The following TMEM156 variants were observed in gnomAD, a reference collection of about 807,000 sequenced individuals.
The protein encoded by TMEM156 is transmembrane protein 156.
In TMEM156, 28 loss-of-function variants were observed where a neutral mutation model predicts 30.5. That is an observed-to-expected ratio of 0.92 (90% CI 0.68 to 1.26). The LOEUF is 1.26. TMEM156 is among the 50% of genes most tolerant of loss of function. TMEM156 has a pLI of 0.00. For missense variants in TMEM156, 351 were observed against 340.6 expected (o/e 1.03, Z -0.24); for synonymous variants, 137 against 119.9 (o/e 1.14, Z -0.93).
intron 3 of TMEM156, among the ~76,000 whole-genome samples, chr4:38,992,760 A>T (rs192339136): frequency 0.13 from 8,641 of 66,158 alleles, 351 homozygotes; most frequent in Non-Finnish European, 0.14. Context: ...ATATATATAT[A>T]TATTTTTTTT....
intron 5 of TMEM156, among the ~76,000 whole-genome samples, chr4:38,982,421 G>A (rs1400439612): frequency 6.6e-6 from 1 of 152,158 alleles, no homozygotes; most frequent in Non-Finnish European, 1.5e-5. Context: ...ATGATTCTTT[G>A]ATATCCATAG....
rs931486464 is a variant in TMEM156, at chr4:39,003,712, T to C, written c.89-4803A>G. Among the ~76,000 whole-genome samples the C allele has an allele frequency of 3.3e-5, 5 of 152,284 alleles. 1 individual carries two copies. In the East Asian group the frequency reaches 9.6e-4, roughly 29 times the overall value. On this transcript the variant is annotated intron_variant, in intron 1 of 6. Coordinates refer to ENST00000381938, the MANE Select transcript of TMEM156 (RefSeq NM_024943.3). ...AAGGATATGGAGATGCACCATCTGA[T>C]GGAACTCCATAATCTGTATCTTTTT...
chr4:39,017,027 C>T (rs1342224974), intron 1 of TMEM156, among the ~76,000 whole-genome samples: 1 of 152,080 alleles, frequency 6.6e-6, no homozygotes, highest in East Asian at 1.9e-4. Context: ...TATTTATTCA[C>T]TATCACAAGA....
chr4:39,013,097 G>A (rs1252236354), intron 1 of TMEM156, among the ~76,000 whole-genome samples: 1 of 151,772 alleles, frequency 6.6e-6, no homozygotes, highest in Non-Finnish European at 1.5e-5. Context: ...TCAGGAGTTC[G>A]CGGCCAGTCT....
Position 38,978,376 on chromosome 4 carries a change from T to C in TMEM156, c.824-7239A>G, listed in dbSNP as rs530062606. 5.9e-4 allele frequency among the ~76,000 whole-genome samples: 90 copies of C among 152,316 alleles called. 2 individuals carry two copies. The South Asian group carries it at 0.018, about 30-fold the overall frequency. ...ACTTACCCAACTTTGTTGTAATTAC[T>C]CATTTGTCTGCCTCCTTGAGCACAA... On this transcript the variant is annotated intron_variant, in intron 5 of 6. Transcript: ENST00000381938.
At position 38,994,003 on chromosome 4, in the gene TMEM156, A is replaced by T. The variant is rs1274186856; in HGVS notation, c.359-5T>A. ...TTGATCCTCTCCTGATAAGAACTAG[A>T]AAGTGATTAAGAAAATGTTATTTGC... On this transcript the variant is annotated splice_region_variant and splice_polypyrimidine_tract_variant and intron_variant, in intron 2 of 6. Coordinates refer to ENST00000381938, the MANE Select transcript of TMEM156 (RefSeq NM_024943.3). The T allele has an allele frequency of 1.2e-6, 2 of 1,605,404 alleles. No homozygotes were observed. The highest frequency in any genetic ancestry group is 2.2e-5 in the South Asian group (2 of 90,438).
At chr4:39,027,843 G>A (rs535272860) in intron 1 of TMEM156, among the ~76,000 whole-genome samples, 3 of 145,188 alleles carry the variant, frequency 2.1e-5, no homozygotes, top group South Asian at 2.2e-4. Context: ...TGCAACCTCC[G>A]CCTCCTGGAT....
Position 39,032,262 on chromosome 4 carries a change from T to C in TMEM156, c.52A>G (p.Ile18Val). The stretch of plus-strand genomic sequence containing the variant: ...TTGAAATATTCCGGCAAAATTAAAA[T>C]GAATGTGATCACTATTGCCACAAAT... ...KLFVAIVITFILILPEYFKTP... is the reference protein window; with the variant it reads ...KLFVAIVITFVLILPEYFKTP... Residue 18 changes from isoleucine to valine, a missense_variant, in exon 1 of 7, where the codon ATT becomes GTT. Coordinates refer to ENST00000381938, the MANE Select transcript of TMEM156 (RefSeq NM_024943.3). 1 of 1,610,436 alleles carries C rather than the reference T, an allele frequency of 6.2e-7. No homozygotes were observed.
At chr4:39,026,102 T>C (rs1012717075) in intron 1 of TMEM156, among the ~76,000 whole-genome samples, 10 of 152,190 alleles carry the variant, frequency 6.6e-5, no homozygotes, top group African/African-American at 2.4e-4. Flanking sequence ...ACATTCTATT[T>C]GGAGAAATCA....
chr4:39,009,115 A>G (rs1054006150), intron 1 of TMEM156, among the ~76,000 whole-genome samples: 1 of 152,068 alleles, frequency 6.6e-6, no homozygotes, highest in Non-Finnish European at 1.5e-5. Flanking sequence ...CTCAGAGACT[A>G]CTATCTCTGC....
At chr4:38,980,699 G>T (rs190481973) in intron 5 of TMEM156, among the ~76,000 whole-genome samples, 4 of 152,286 alleles carry the variant, frequency 2.6e-5, no homozygotes, top group African/African-American at 9.6e-5. Context: ...CCTAGTCCAG[G>T]AGGTCTGAAA....
intron 3 of TMEM156, among the ~76,000 whole-genome samples, chr4:38,993,178 C>T (rs1057151737): frequency 1.3e-5 from 2 of 151,974 alleles, no homozygotes; most frequent in African/African-American, 4.8e-5. Flanking sequence ...ACCTGTAATA[C>T]CAGCACTTTG....
At chr4:38,998,210 G>A (rs944146138) in intron 2 of TMEM156, among the ~76,000 whole-genome samples, 3 of 152,058 alleles carry the variant, frequency 2.0e-5, no homozygotes, top group East Asian at 3.9e-4. Context: ...CACTCATCAA[G>A]AGCCACATCA....
At chr4:38,991,763 T>TAAAAA (rs1712483101) in intron 3 of TMEM156, among the ~76,000 whole-genome samples, 1 of 152,206 alleles carries the variant, frequency 6.6e-6, no homozygotes, top group South Asian at 2.1e-4. Context: ...GTTAGGTGGA[T>TAAAAA]ATACAAATGT....
chr4:38,988,836 AG>A lies in TMEM156; in HGVS notation c.739+14del, dbSNP rs746896971. 37 of 1,613,804 alleles carry A rather than the reference AG, an allele frequency of 2.3e-5. No individual in the cohort carries two copies. Among genetic ancestry groups the A allele is most frequent in the Non-Finnish European group, 3.0e-5 (35 of 1,179,902 alleles). ...GAGATCAGGAGTTCCTCGGCACTAC[AG>A]GGATTATACTTACTCTGCCACTTTT... is the stretch of plus-strand genomic sequence containing the variant. On this transcript the variant is annotated intron_variant, in intron 4 of 6. Coordinates refer to ENST00000381938, the MANE Select transcript of TMEM156 (RefSeq NM_024943.3).
rs753314521 is a variant in TMEM156 at position 38,970,967 on chromosome 4, C to T, written c.*38+65G>A. Reference sequence around the variant, plus strand: ...AGATAGAAATGGAGTTTGGGATCAACTGTGCATCCTTGAATTTATCTGTGT... The same window carrying T: ...AGATAGAAATGGAGTTTGGGATCAATTGTGCATCCTTGAATTTATCTGTGT... On this transcript the variant is annotated intron_variant, in intron 6 of 6. Coordinates refer to ENST00000381938, the MANE Select transcript of TMEM156 (RefSeq NM_024943.3). The T allele has an allele frequency of 2.8e-6, 3 of 1,073,914 alleles. No homozygotes were observed. In the Admixed American group the frequency reaches 6.1e-5, roughly 22 times the overall value. 66.5% of individuals were successfully genotyped at this position (1,073,914 alleles called of 1,614,324 possible).
At chr4:38,984,523 G>C (rs1242226120) in intron 5 of TMEM156, among the ~76,000 whole-genome samples, 1 of 151,656 alleles carries the variant, frequency 6.6e-6, no homozygotes, top group Non-Finnish European at 1.5e-5. Context: ...TTCTACCCGT[G>C]TTACTGCATC....
At chr4:38,970,752 T>G (rs375405033) in intron 6 of TMEM156, among the ~76,000 whole-genome samples, 2 of 152,164 alleles carry the variant, frequency 1.3e-5, no homozygotes, top group South Asian at 4.2e-4. Context: ...ATGGCTCAAC[T>G]CCGGAAAAAC....
intron 3 of TMEM156, among the ~76,000 whole-genome samples, chr4:38,990,079 G>A (rs1380506057): frequency 6.6e-6 from 1 of 152,186 alleles, no homozygotes; most frequent in Non-Finnish European, 1.5e-5. Flanking sequence ...ACAGGCGTGA[G>A]CCACTGCACC....
Sources: gnomAD v4.1 joint callset for allele counts (sites outside exome capture counted in the v4.1 genomes callset) on GRCh38, gnomAD v4.1.1 for gene constraint, MANE v1.5 for transcripts, NCBI Gene and HGNC (gene_info 2026-07-23, HGNC 2026-07-21) for gene names.